CACNB4: variants seen among roughly 807,000 people sequenced by gnomAD.
CACNB4 encodes the protein calcium voltage-gated channel auxiliary subunit beta 4, also known as voltage-dependent L-type calcium channel subunit beta-4.
Under a neutral mutation model 71.2 loss-of-function variants are expected in CACNB4, and 32 were observed. That is an observed-to-expected ratio of 0.45 (90% confidence interval 0.34 to 0.60). CACNB4 has a LOEUF of 0.60. Among genes scored for constraint, CACNB4 ranks in the 20% least tolerant of loss-of-function variants. The pLI, the probability that CACNB4 is intolerant of heterozygous loss-of-function variation, is 0.01. For synonymous variants in CACNB4, 231 were observed against 236.9 expected (o/e 0.97, Z 0.23); for missense variants, 464 against 647.9 (o/e 0.72, Z 3.08).
intron 2 of CACNB4, among the ~76,000 whole-genome samples, chr2:152,069,893 A>AGG (rs1423364845): frequency 8.2e-6 from 1 of 122,444 alleles, no homozygotes; most frequent in African/African-American, 3.3e-5. Context: ...CCCAGGCTGG[A>AGG]GGGCAGTGGC....
intron 10 of CACNB4, chr2:151,858,386 C>T (rs1253750955): frequency 6.6e-6 from 1 of 152,332 alleles, no homozygotes; most frequent in Non-Finnish European, 1.5e-5. Context: ...AAAGTGAGTA[C>T]TCTGGAACAA....
chr2:151,880,140 T>G (rs373097081), intron 4 of CACNB4: 2 of 152,318 alleles, frequency 1.3e-5, no homozygotes, highest in East Asian at 1.9e-4. Context: ...CTCAGTTTCC[T>G]ATTCCCAAGG....
intron 2 of CACNB4, among the ~76,000 whole-genome samples, chr2:152,005,933 T>C (rs1322910826): frequency 2.6e-5 from 4 of 152,166 alleles, no homozygotes; most frequent in African/African-American, 9.7e-5. Flanking sequence ...CTCAGAACGG[T>C]GCCTGGCACA....
chr2:152,011,635 G>A (rs962021899), intron 2 of CACNB4, among the ~76,000 whole-genome samples: 3 of 152,098 alleles, frequency 2.0e-5, no homozygotes, highest in Non-Finnish European at 4.4e-5. Flanking sequence ...TGATCACCCT[G>A]GTGTTTGATG....
chr2:152,089,751 G>A (rs1284655124), intron 2 of CACNB4, among the ~76,000 whole-genome samples: 1 of 151,716 alleles, frequency 6.6e-6, no homozygotes, highest in African/African-American at 2.4e-5. Context: ...GGGCAATATG[G>A]TGAGACCCCA....
Position 152,098,579 on chromosome 2 carries a change from C to CA in CACNB4, c.64-167dup. 3 of 943,712 alleles carry CA rather than the reference C, an allele frequency of 3.2e-6. No individual in the cohort carries two copies. The highest frequency in any genetic ancestry group is 3.4e-6 in the Non-Finnish European group (2 of 591,326). The allele number at this position is 943,712 out of a possible 1,614,324, so 58.5% of individuals were successfully genotyped here. ...CCCAAATACAGCCCCCACCCCCACC[C>CA]ACCCACTGCAAGCCTCGACTGCTGA... is the stretch of plus-strand genomic sequence containing the variant. On this transcript the variant is annotated intron_variant, in intron 1 of 13. Transcript: ENST00000539935. This position sits in a 1 kb window ranked among gnomAD's most constrained non-coding sequence, Gnocchi z 5.3.
chr2:151,916,769 T>G (rs1203241717), intron 2 of CACNB4, among the ~76,000 whole-genome samples: 1 of 152,230 alleles, frequency 6.6e-6, no homozygotes, highest in Non-Finnish European at 1.5e-5. Flanking sequence ...GGTTCCCAGC[T>G]GGAGGCAATT....
At chr2:152,034,661 T>C (rs1011167440) in intron 2 of CACNB4, among the ~76,000 whole-genome samples, 4 of 152,234 alleles carry the variant, frequency 2.6e-5, no homozygotes, top group Non-Finnish European at 2.9e-5. Flanking sequence ...TTTTCCTCTC[T>C]AGATGTTTGT....
intron 5 of CACNB4, chr2:151,874,119 T>C (rs1578567178): frequency 6.7e-6 from 1 of 149,790 alleles, no homozygotes; most frequent in East Asian, 2.1e-4. Context: ...TCCTTTACAG[T>C]CTACAGAACC....
chr2:151,955,450 T>C (rs2099868013), intron 2 of CACNB4, among the ~76,000 whole-genome samples: 1 of 152,198 alleles, frequency 6.6e-6, no homozygotes. Flanking sequence ...AGTCCTATGT[T>C]TGCAGAAATA....
At chr2:152,081,450 A>G (rs1452347727) in intron 2 of CACNB4, among the ~76,000 whole-genome samples, 1 of 152,084 alleles carries the variant, frequency 6.6e-6, no homozygotes, top group African/African-American at 2.4e-5. Context: ...CCAGGAGTTC[A>G]AGTTCAGCCT....
intron 2 of CACNB4, among the ~76,000 whole-genome samples, chr2:151,898,700 A>G (rs1422649209): frequency 1.3e-5 from 2 of 152,248 alleles, no homozygotes; most frequent in Admixed American, 6.5e-5. Flanking sequence ...AAGCTAAGAC[A>G]AATTTATTAA....
intron 2 of CACNB4, among the ~76,000 whole-genome samples, chr2:152,019,107 C>T (rs905543123): frequency 6.6e-6 from 1 of 152,064 alleles, no homozygotes; most frequent in Non-Finnish European, 1.5e-5. Context: ...GGCACAGTGG[C>T]CAGGCTTTCA....
At chr2:152,087,431 C>CA (rs754057435) in intron 2 of CACNB4, among the ~76,000 whole-genome samples, 25,455 of 79,022 alleles carry the variant, frequency 0.32, 3,076 homozygotes, top group Middle Eastern at 0.43. Flanking sequence ...GACCCCATCT[C>CA]AAAAAAAAAA....
chr2:152,024,654 T>C (rs1350558426), intron 2 of CACNB4, among the ~76,000 whole-genome samples: 6 of 152,248 alleles, frequency 3.9e-5, no homozygotes, highest in Non-Finnish European at 7.3e-5. Context: ...ATCCACAGCA[T>C]CATTGTATAT....
Position 151,839,456 on chromosome 2 carries a change from T to C in CACNB4, c.1303-77A>G. The C allele has an allele frequency of 3.5e-6, 4 of 1,154,188 alleles. No homozygotes were observed. The South Asian group carries it at 4.2e-5, about 12-fold the overall frequency. 71.5% of individuals were successfully genotyped at this position (1,154,188 alleles called of 1,614,324 possible). ...AAACATGTAAATGTATGTAAAATCA[T>C]AGGATCTGTACAATAAGATGCTAAA... On this transcript the variant is annotated intron_variant, in intron 13 of 13. Coordinates refer to ENST00000539935, the MANE Select transcript of CACNB4 (RefSeq NM_000726.5).
chr2:151,850,282 C>G (rs1446565500), intron 12 of CACNB4: 1 of 151,516 alleles, frequency 6.6e-6, no homozygotes, highest in Non-Finnish European at 1.5e-5. Context: ...GCTGGGATTA[C>G]AGGTGCGCAC....
At chr2:151,944,156 G>T (rs1251978969) in intron 2 of CACNB4, among the ~76,000 whole-genome samples, 1 of 151,038 alleles carries the variant, frequency 6.6e-6, no homozygotes, top group Non-Finnish European at 1.5e-5. Context: ...AGTCTCCTAA[G>T]TAGCTGAGAT....
chr2:151,973,637 A>C (rs1453638968), intron 2 of CACNB4: 1 of 1,596,998 alleles, frequency 6.3e-7, no homozygotes, highest in Non-Finnish European at 8.6e-7. Context: ...AGAGGAGGGG[A>C]GAGGGAATTA....
Sources: allele counts gnomAD v4.1 joint callset (sites outside exome capture counted in the v4.1 genomes callset), GRCh38; gene constraint gnomAD v4.1.1; non-coding constraint Gnocchi (gnomAD v3.1); transcripts MANE v1.5; gene names NCBI Gene and HGNC (gene_info 2026-07-23, HGNC 2026-07-21).